WDR25: variants seen among roughly 807,000 people sequenced by gnomAD.
WDR25 encodes WD repeat-containing protein 25.
WDR25 carries 35 observed loss-of-function variants against 47.7 expected under a neutral mutation model. The ratio of observed to expected loss-of-function variants is 0.73; its 90% CI spans 0.56 to 0.97. The LOEUF (loss-of-function observed/expected upper bound fraction) is 0.97, where lower values mean the gene tolerates loss of function less well. Among genes scored for constraint, WDR25 ranks in the 50% least tolerant of loss-of-function variants. The probability of loss-of-function intolerance (pLI) is 0.00; values close to 1 mark genes in which losing one functional copy is unlikely to be tolerated. For missense variants in WDR25, 634 were observed against 704.7 expected (o/e 0.90, Z 1.14); for synonymous variants, 248 against 278.9 (o/e 0.89, Z 1.10).
At chr14:100,406,139 G>A (rs1897531302) in intron 2 of WDR25, among the ~76,000 whole-genome samples, 1 of 152,184 alleles carries the variant, frequency 6.6e-6, no homozygotes, top group African/African-American at 2.4e-5. Context: ...CAGGTTCAAA[G>A]CAGAGGATGG....
intron 4 of WDR25, among the ~76,000 whole-genome samples, chr14:100,512,601 C>T (rs1901344624): frequency 6.6e-6 from 1 of 151,960 alleles, no homozygotes; most frequent in African/African-American, 2.4e-5. Context: ...GATTTCTTTT[C>T]CTATCTTATT....
At chr14:100,429,147 T>C (rs763951934) in intron 2 of WDR25, among the ~76,000 whole-genome samples, 2 of 152,236 alleles carry the variant, frequency 1.3e-5, no homozygotes, top group Admixed American at 6.5e-5. Context: ...GGACCTGTCC[T>C]GACTCCGTGC....
Position 100,392,961 on chromosome 14 carries a change from T to A in WDR25, c.822+11215T>A, listed in dbSNP as rs1341710032. On this transcript the variant is annotated intron_variant, in intron 2 of 6. Transcript: ENST00000402312. The surrounding 1 kb of genome is among the most constrained non-coding windows in gnomAD (Gnocchi z 4.2). ...TTGTCAGATTGCTTTCCAAAAGGAT[T>A]ATACCAATTTGCACTGCCACCGCAA... Among the ~76,000 whole-genome samples the A allele has an allele frequency of 6.6e-6, 1 of 152,254 alleles. No individual in the cohort carries two copies. The highest frequency in any genetic ancestry group is 2.4e-5 in the African/African-American group (1 of 41,468).
In WDR25 at chr14:100,453,610, A is replaced by T. The variant is rs150077547; in HGVS notation, c.823-14411A>T. Reference sequence around the variant, plus strand: ...CCCGGATATGAAGTTCCAGATTATGATGCTTTCAAAAGGTGCACTGGCTCC... The same window carrying T: ...CCCGGATATGAAGTTCCAGATTATGTTGCTTTCAAAAGGTGCACTGGCTCC... On this transcript the variant is annotated intron_variant, in intron 2 of 6. Transcript: ENST00000402312. Among the ~76,000 whole-genome samples the T allele has an allele frequency of 6.8e-4, 104 of 152,296 alleles. No individual in the cohort carries two copies. In the East Asian group the frequency reaches 0.018, roughly 26 times the overall value.
At position 100,500,835 on chromosome 14, in the gene WDR25, G is replaced by A. The variant is rs564045129; in HGVS notation, c.1101+16711G>A. Reference sequence around the variant, plus strand: ...GAGCCTAGTTTTAATTTGTGCCTCCGCTATAAAGTAAGGGAAACCAATTTT... The same window carrying A: ...GAGCCTAGTTTTAATTTGTGCCTCCACTATAAAGTAAGGGAAACCAATTTT... On this transcript the variant is annotated intron_variant, in intron 4 of 6. Coordinates refer to ENST00000402312, the MANE Select transcript of WDR25 (RefSeq NM_001161476.3). This position sits in a 1 kb window ranked among gnomAD's most constrained non-coding sequence, Gnocchi z 4.7. Among the ~76,000 whole-genome samples, 4 of 152,182 alleles carry A rather than the reference G, an allele frequency of 2.6e-5. No homozygotes were observed. The highest frequency in any genetic ancestry group is 1.3e-4 in the Admixed American group (2 of 15,282).
intron 4 of WDR25, among the ~76,000 whole-genome samples, chr14:100,513,790 A>C (rs1428875209): frequency 6.6e-6 from 1 of 151,704 alleles, no homozygotes; most frequent in Non-Finnish European, 1.5e-5. Context: ...GGCCTCCTAA[A>C]GTGCTAGGAT....
At chr14:100,522,825 C>T (rs1231171249) in intron 4 of WDR25, among the ~76,000 whole-genome samples, 6 of 152,242 alleles carry the variant, frequency 3.9e-5, no homozygotes, top group Admixed American at 3.9e-4. Context: ...TGGCATCTCA[C>T]CCCTGCTCAT....
rs1048054734 is a variant in WDR25, at chr14:100,466,747, GCTTCTCGGGTTCAGCCT to G, written c.823-1271_823-1255del. Among the ~76,000 whole-genome samples the G allele has an allele frequency of 9.3e-4, 142 of 152,340 alleles. 1 individual carries two copies. In the Middle Eastern group the frequency reaches 0.014, roughly 15 times the overall value. ...ACACGCTGGCTGCAAGTGCTCCTCT[GCTTCTCGGGTTCAGCCT>G]CTGAGCCACCTGGGTGGTAGGTGAG... On this transcript the variant is annotated intron_variant, in intron 2 of 6. Coordinates refer to ENST00000402312, the MANE Select transcript of WDR25 (RefSeq NM_001161476.3).
chr14:100,404,724 T>C lies in WDR25; in HGVS notation c.822+22978T>C, dbSNP rs1326198439. On this transcript the variant is annotated intron_variant, in intron 2 of 6. Coordinates refer to ENST00000402312, the MANE Select transcript of WDR25 (RefSeq NM_001161476.3). The surrounding 1 kb of genome is among the most constrained non-coding windows in gnomAD (Gnocchi z 4.6). ...TGGGAGATGCTGACCTGACTCTGTT[T>C]CTCTAGGGCCATGATCCTGACTCTG... Among the ~76,000 whole-genome samples, 1 of 152,110 alleles carries C rather than the reference T, an allele frequency of 6.6e-6. No individual in the cohort carries two copies. The highest frequency in any genetic ancestry group is 1.5e-5 in the Non-Finnish European group (1 of 68,010).
chr14:100,445,748 G>A (rs1444635418), intron 2 of WDR25, among the ~76,000 whole-genome samples: 1 of 152,172 alleles, frequency 6.6e-6, no homozygotes, highest in African/African-American at 2.4e-5. Flanking sequence ...GTAGGAGGAG[G>A]TGGGCACAGA....
chr14:100,488,888 G>A lies in WDR25; in HGVS notation c.1101+4764G>A, dbSNP rs1358974867. Among the ~76,000 whole-genome samples the A allele has an allele frequency of 6.6e-6, 1 of 152,208 alleles. No individual in the cohort carries two copies. The highest frequency in any genetic ancestry group is 1.5e-5 in the Non-Finnish European group (1 of 68,042). On this transcript the variant is annotated intron_variant, in intron 4 of 6. Transcript: ENST00000402312. The surrounding 1 kb of genome is among the most constrained non-coding windows in gnomAD (Gnocchi z 4.2). ...TTATTTACAGCCGCTTGGTGTGGGA[G>A]CCTGAGTCACCTCTGTGCCTGGCAT...
Position 100,449,680 on chromosome 14 carries a change from G to C in WDR25, c.823-18341G>C, listed in dbSNP as rs902928002. On this transcript the variant is annotated intron_variant, in intron 2 of 6. Coordinates refer to ENST00000402312, the MANE Select transcript of WDR25 (RefSeq NM_001161476.3). The surrounding 1 kb of genome is among the most constrained non-coding windows in gnomAD (Gnocchi z 4.2). Reference sequence around the variant, plus strand: ...AGCCCCCACTCAGTAACTGCTGAGAGCATCCCTGAGTCCCTGCACGTGCAT... The same window carrying C: ...AGCCCCCACTCAGTAACTGCTGAGACCATCCCTGAGTCCCTGCACGTGCAT... Among the ~76,000 whole-genome samples the C allele has an allele frequency of 2.0e-5, 3 of 152,230 alleles. No individual in the cohort carries two copies. Among genetic ancestry groups the C allele is most frequent in the African/African-American group, 7.2e-5 (3 of 41,466 alleles).
chr14:100,390,774 TCA>T (rs1897126845), intron 2 of WDR25, among the ~76,000 whole-genome samples: 1 of 152,172 alleles, frequency 6.6e-6, no homozygotes. Context: ...TGTGTAGCGC[TCA>T]GTGTCTGACA....
At chr14:100,469,784 G>A (rs777210245) in intron 3 of WDR25, among the ~76,000 whole-genome samples, 2 of 152,168 alleles carry the variant, frequency 1.3e-5, no homozygotes, top group Admixed American at 1.3e-4. Context: ...TGAGACAGGC[G>A]CCATCAGAAT....
At chr14:100,408,700 G>A (rs566506727) in intron 2 of WDR25, among the ~76,000 whole-genome samples, 1 of 152,338 alleles carries the variant, frequency 6.6e-6, no homozygotes, top group South Asian at 2.1e-4. Context: ...CTCCTCTGAA[G>A]GGCCGAAAGC....
chr14:100,512,921 C>G (rs759842298), intron 4 of WDR25, among the ~76,000 whole-genome samples: 6 of 152,140 alleles, frequency 3.9e-5, no homozygotes, highest in Admixed American at 6.5e-5. Context: ...TTTTCTAATT[C>G]AATTCCATTG....
chr14:100,520,187 G>T (rs1901670718), intron 4 of WDR25, among the ~76,000 whole-genome samples: 1 of 151,108 alleles, frequency 6.6e-6, no homozygotes, highest in Non-Finnish European at 1.5e-5. Context: ...TGAGTTTGCT[G>T]ATTGTTTCCA....
intron 4 of WDR25, among the ~76,000 whole-genome samples, chr14:100,513,969 T>C (rs1330745057): frequency 2.0e-5 from 3 of 151,420 alleles, no homozygotes; most frequent in Non-Finnish European, 4.4e-5. Flanking sequence ...AGAGTCTCGC[T>C]CTGTGGCCCA....
At position 100,488,207 on chromosome 14, in the gene WDR25, T is replaced by C. The variant is rs1317994354; in HGVS notation, c.1101+4083T>C. On this transcript the variant is annotated intron_variant, in intron 4 of 6. Coordinates refer to ENST00000402312, the MANE Select transcript of WDR25 (RefSeq NM_001161476.3). This position sits in a 1 kb window ranked among gnomAD's most constrained non-coding sequence, Gnocchi z 4.2. ...AAGTGCCTGACTTCATCTCCAGAGG[T>C]CGGCAGGATGTGTTCTGCACAAGCC... Among the ~76,000 whole-genome samples, 1 of 152,058 alleles carries C rather than the reference T, an allele frequency of 6.6e-6. No homozygotes were observed. Among genetic ancestry groups the C allele is most frequent in the Non-Finnish European group, 1.5e-5 (1 of 68,026 alleles).
Sources: gnomAD v4.1 joint callset for allele counts (sites outside exome capture counted in the v4.1 genomes callset) on GRCh38, gnomAD v4.1.1 for gene constraint, Gnocchi (gnomAD v3.1) non-coding constraint, MANE v1.5 for transcripts, NCBI Gene and HGNC (gene_info 2026-07-23, HGNC 2026-07-21) for gene names.